ALX3: variants seen among roughly 807,000 people sequenced by gnomAD.
The protein encoded by ALX3 is ALX homeobox 3, also known as homeobox protein aristaless-like 3.
In ALX3, 17 loss-of-function variants were observed where a neutral mutation model predicts 26.3. That is an observed-to-expected ratio of 0.65 (90% CI 0.44 to 0.97). The LOEUF (loss-of-function observed/expected upper bound fraction) is 0.97, where lower values mean the gene tolerates loss of function less well. Among genes scored for constraint, ALX3 ranks in the 50% least tolerant of loss-of-function variants. The pLI, the probability that ALX3 is intolerant of heterozygous loss-of-function variation, is 0.00. For missense variants in ALX3, 461 were observed against 466.5 expected (o/e 0.99, Z 0.11); for synonymous variants, 208 against 201.4 (o/e 1.03, Z -0.28).
chr1:110,070,367 G>T lies in ALX3; in HGVS notation c.246C>A (p.Asn82Lys), dbSNP rs764336621. ...CGGGGCCCTCGTAGAAGTGGCCGCC[G>T]TTGAGGGCCGGGCCGGGCCCGAGGT... Reference protein sequence around the residue: ...LQDLGPGPALNGGHFYEGPAE... With the variant: ...LQDLGPGPALKGGHFYEGPAE... The change falls in exon 1 of 4, where the codon AAC becomes AAA. Residue 82 changes from asparagine (N) to lysine (K), a missense_variant. By Grantham distance (94) the Asn-to-Lys change is moderately conservative. This residue lies in a region of ALX3 where 241 missense variants were observed against 206.1 expected (regional missense o/e 1.17). Coordinates refer to ENST00000647563, the MANE Select transcript of ALX3 (RefSeq NM_006492.3). The T allele has an allele frequency of 1.6e-6, 2 of 1,289,380 alleles. No homozygotes were observed. The highest frequency in any genetic ancestry group is 2.0e-6 in the Non-Finnish European group (2 of 1,018,422). 79.9% of individuals were successfully genotyped at this position (1,289,380 alleles called of 1,614,324 possible).
In ALX3 at chr1:110,070,473, C is replaced by A; in HGVS notation, c.140G>T (p.Arg47Leu). ...CCCGCAGGCCGGAAAGCGGGTCAGC[C>A]GCGGGCCGCGGGGCGGCGCGGGGTG... ...HLHPAPPRGP[R>L]LTRFPACGPL... The change falls in exon 1 of 4, where the codon CGG becomes CTG. Residue 47 changes from arginine (R) to leucine (L), a missense_variant. Arg to Leu is a moderately radical substitution (Grantham distance 102). This residue lies in a region of ALX3 where 241 missense variants were observed against 206.1 expected (regional missense o/e 1.17). Transcript: ENST00000647563. The A allele has an allele frequency of 8.0e-7, 1 of 1,257,398 alleles. No homozygotes were observed. Among genetic ancestry groups the A allele is most frequent in the Non-Finnish European group, 1.0e-6 (1 of 1,001,394 alleles). 77.9% of individuals were successfully genotyped at this position (1,257,398 alleles called of 1,614,324 possible).
At chr1:110,070,056 G>A (rs1346157764) in intron 1 of ALX3, among the ~76,000 whole-genome samples, 4 of 152,080 alleles carry the variant, frequency 2.6e-5, no homozygotes, top group Non-Finnish European at 4.4e-5. Flanking sequence ...TTCGGGCCCC[G>A]ACTGGACTCC....
intron 1 of ALX3, among the ~76,000 whole-genome samples, chr1:110,067,275 C>G (rs1376886970): frequency 6.6e-6 from 1 of 152,228 alleles, no homozygotes; most frequent in Non-Finnish European, 1.5e-5. Flanking sequence ...CTCTGCTGAG[C>G]ACGGGGCACA....
intron 1 of ALX3, among the ~76,000 whole-genome samples, chr1:110,069,227 A>G (rs950315014): frequency 5.9e-5 from 9 of 152,074 alleles, no homozygotes; most frequent in Admixed American, 5.2e-4. Flanking sequence ...TGACCCACAC[A>G]CACCTCCCCG....
intron 1 of ALX3, among the ~76,000 whole-genome samples, chr1:110,069,749 G>T (rs1427228086): frequency 1.3e-5 from 2 of 152,174 alleles, no homozygotes; most frequent in African/African-American, 4.8e-5. Context: ...TGCACGACCA[G>T]TCGCGGCCAG....
intron 1 of ALX3, among the ~76,000 whole-genome samples, chr1:110,069,596 C>T (rs531958127): frequency 1.3e-5 from 2 of 152,352 alleles, no homozygotes; most frequent in Middle Eastern, 3.4e-3. Flanking sequence ...CAGGGCTGCT[C>T]CTGACTGCCC....
At position 110,060,611 on chromosome 1, in the gene ALX3, G is replaced by T; in HGVS notation, c.*122C>A. The T allele has an allele frequency of 1.6e-6, 1 of 615,640 alleles. No individual in the cohort carries two copies. 38.1% of individuals were successfully genotyped at this position (615,640 alleles called of 1,614,324 possible). On this transcript the variant is annotated 3_prime_UTR_variant, in exon 4 of 4. Coordinates refer to ENST00000647563, the MANE Select transcript of ALX3 (RefSeq NM_006492.3). Reference sequence around the variant, plus strand: ...TGTAACGTGTTCCCTGCTGGGGGCTGACAGTGCCAGCTGCTCTCGCAGCCT... The same window carrying T: ...TGTAACGTGTTCCCTGCTGGGGGCTTACAGTGCCAGCTGCTCTCGCAGCCT...
In ALX3 at chr1:110,064,891, GTCT is replaced by G. The variant is rs767308041; in HGVS notation, c.287_289del (p.Lys96del). On this transcript the variant is annotated inframe_deletion, in exon 2 of 4. Transcript: ENST00000647563. ...CTGGGGGAAGCTGGCAGCTTTGGAG[GTCT>G]TCTCCTCAGCTGCAATGGAGAACAC... 3.3e-5 allele frequency: 53 copies of G among 1,607,966 alleles called. No individual in the cohort carries two copies. Among genetic ancestry groups the G allele is most frequent in the South Asian group, 1.9e-4 (17 of 90,540 alleles).
chr1:110,061,395 A>G (rs1653638994), intron 3 of ALX3, 40 bp downstream of exon 3: 1 of 1,613,946 alleles, frequency 6.2e-7, no homozygotes, highest in Non-Finnish European at 8.5e-7. Context: ...CTTTTTGGTG[A>G]CCCTGCCAGG....
intron 2 of ALX3, chr1:110,061,963 A>G (rs1182564226): frequency 8.8e-6 from 2 of 227,070 alleles, no homozygotes. Context: ...CCCACCTCAT[A>G]GCATCCGAGG....
At chr1:110,064,334 C>G (rs1653725832) in intron 2 of ALX3, among the ~76,000 whole-genome samples, 1 of 152,216 alleles carries the variant, frequency 6.6e-6, no homozygotes, top group Non-Finnish European at 1.5e-5. Context: ...CTTTAGGACT[C>G]CCACACAGGT....
chr1:110,065,504 G>C (rs2101797649), intron 1 of ALX3, among the ~76,000 whole-genome samples: 1 of 152,304 alleles, frequency 6.6e-6, no homozygotes, highest in South Asian at 2.1e-4. Context: ...AGGGCAAGAT[G>C]GGACAAAGAA....
chr1:110,066,627 G>A (rs2101798469), intron 1 of ALX3, among the ~76,000 whole-genome samples: 1 of 123,598 alleles, frequency 8.1e-6, no homozygotes, highest in South Asian at 2.9e-4. Flanking sequence ...GCAGGCCATG[G>A]AAATGTTCAG....
intron 1 of ALX3, among the ~76,000 whole-genome samples, chr1:110,068,278 G>A (rs1467152666): frequency 1.3e-5 from 2 of 152,244 alleles, no homozygotes; most frequent in African/African-American, 4.8e-5. Flanking sequence ...TTTAAAAACC[G>A]GGAAATAAGG....
chr1:110,062,693 TCATTCCTACACATGCAGGCAG>T (rs1653684510), intron 2 of ALX3: 2 of 148,808 alleles, frequency 1.3e-5, no homozygotes, highest in African/African-American at 5.1e-5. Flanking sequence ...GCCCCCATGG[TCATTCCTACACATGCAGGCAG>T]GTAAGGCACC....
chr1:110,062,358 AG>A (rs1170181601), intron 2 of ALX3: 1 of 152,348 alleles, frequency 6.6e-6, no homozygotes, highest in East Asian at 1.9e-4. Flanking sequence ...CTTGGCAGAT[AG>A]GGGTGGCACA....
intron 1 of ALX3, among the ~76,000 whole-genome samples, chr1:110,067,206 GAC>G (rs1653811483): frequency 1.3e-5 from 2 of 152,230 alleles, no homozygotes; most frequent in Non-Finnish European, 2.9e-5. Flanking sequence ...AGCCAGGAAA[GAC>G]AGGCCAGGAA....
chr1:110,069,144 G>A (rs1306862641), intron 1 of ALX3, among the ~76,000 whole-genome samples: 1 of 152,254 alleles, frequency 6.6e-6, no homozygotes, highest in Non-Finnish European at 1.5e-5. Context: ...AGTCCCAACT[G>A]TGGTTTTTAT....
chr1:110,062,619 G>GTA (rs1407343346), intron 2 of ALX3: 1 of 582 alleles, frequency 1.7e-3, no homozygotes, highest in Non-Finnish European at 2.0e-3. Flanking sequence ...GTGTGTGTGT[G>GTA]TGTGTGTGTG....
Sources: allele counts gnomAD v4.1 joint callset (sites outside exome capture counted in the v4.1 genomes callset), GRCh38; gene constraint gnomAD v4.1.1; regional missense constraint gnomAD v4.1.1; transcripts MANE v1.5; gene names NCBI Gene and HGNC (gene_info 2026-07-23, HGNC 2026-07-21).